MORC2: variants seen among roughly 807,000 people sequenced by gnomAD.
The protein encoded by MORC2 is MORC family CW-type zinc finger 2, also known as ATPase MORC2.
Under a neutral mutation model 136.0 loss-of-function variants are expected in MORC2, and 30 were observed. That is an observed-to-expected ratio of 0.22 (90% confidence interval 0.17 to 0.30). The LOEUF is 0.30. MORC2 is among the 10% of genes least tolerant of loss of function. MORC2 has a pLI of 1.00. For synonymous variants in MORC2, 439 were observed against 487.0 expected, an observed-to-expected ratio of 0.90 and a Z score of 1.30; for missense variants, 922 against 1,333.1, an observed-to-expected ratio of 0.69 and a Z score of 4.80.
At chr22:30,950,145 C>G (rs1340428272) in intron 4 of MORC2, among the ~76,000 whole-genome samples, 1 of 152,186 alleles carries the variant, frequency 6.6e-6, no homozygotes, top group Non-Finnish European at 1.5e-5. Context: ...GACAGGTAAT[C>G]TGATTGACTT....
intron 5 of MORC2, among the ~76,000 whole-genome samples, chr22:30,948,976 G>A (rs915689119): frequency 5.3e-5 from 8 of 152,252 alleles, no homozygotes; most frequent in South Asian, 2.1e-4. Context: ...CCCAACTGAT[G>A]CTGCTGACTG....
In MORC2 at chr22:30,937,571, C is replaced by A; in HGVS notation, c.1498+12G>T. The A allele has an allele frequency of 6.2e-7, 1 of 1,611,502 alleles. No individual in the cohort carries two copies. The highest frequency in any genetic ancestry group is 1.1e-5 in the South Asian group (1 of 90,854). ...TGGAAATGAGTCGGGGGGGTCCAAC[C>A]ACCCAACTCACCGCACTGGATGGTG... On this transcript the variant is annotated intron_variant, in intron 15 of 25. Transcript: ENST00000397641. This position sits in a 1 kb window ranked among gnomAD's most constrained non-coding sequence, Gnocchi z 4.7.
intron 4 of MORC2, 24 bp downstream of exon 4, chr22:30,950,353 C>CAAAAAAAAAAAAAAAA: frequency 6.7e-7 from 1 of 1,481,956 alleles, no homozygotes; most frequent in Non-Finnish European, 9.4e-7. Context: ...CCCCACCCCC[C>CAAAAAAAAAAAAAAAA]AAAACAATAA....
rs73404279 is a variant in MORC2 at position 30,936,808 on chromosome 22, T to C, written c.1604+124A>G. 2.7e-4 allele frequency: 346 copies of C among 1,295,396 alleles called. 2 individuals are homozygous for C. In the African/African-American group the frequency reaches 4.6e-3, roughly 17 times the overall value. The allele number at this position is 1,295,396 out of a possible 1,614,324, so 80.2% of individuals were successfully genotyped here. On this transcript the variant is annotated intron_variant, in intron 16 of 25. Coordinates refer to ENST00000397641, the MANE Select transcript of MORC2 (RefSeq NM_001303256.3). ...ACTGCAGGACATACATCTATTTTTA[T>C]TTCTTGGGCAGTTATTAGGTGTGGC... is the stretch of plus-strand genomic sequence containing the variant.
intron 17 of MORC2, 104 bp downstream of exon 17, chr22:30,936,407 A>G: frequency 4.0e-6 from 6 of 1,484,928 alleles, no homozygotes; most frequent in Non-Finnish European, 5.4e-6. Context: ...GGGTGAGTGG[A>G]GGGTAAAACT....
chr22:30,930,735 C>T (rs1041485813), intron 24 of MORC2, among the ~76,000 whole-genome samples: 1 of 152,162 alleles, frequency 6.6e-6, no homozygotes, highest in Non-Finnish European at 1.5e-5. Flanking sequence ...TTCTCTAGAA[C>T]CTCTTTCCTA....
chr22:30,955,323 T>G (rs1444100638), intron 3 of MORC2, among the ~76,000 whole-genome samples: 1 of 152,178 alleles, frequency 6.6e-6, no homozygotes, highest in Non-Finnish European at 1.5e-5. Context: ...TTCCTGTTAC[T>G]TTCTTCTAGA....
Position 30,950,378 on chromosome 22 carries a change from T to C in MORC2, c.225A>G (p.Pro75=). Residue 75 remains proline (P), a splice_region_variant and synonymous_variant, in exon 4 of 26, where the codon CCA becomes CCG. Transcript: ENST00000397641. Reference sequence around the variant, plus strand: ...CAAAACAATAATCTCATCACTTACTTGGATCCATTCCTGCTCCATCATCCA... The same window carrying C: ...CAAAACAATAATCTCATCACTTACTCGGATCCATTCCTGCTCCATCATCCA... ...CFLDDGAGMD[P]SDAASVIQFG... The C allele has an allele frequency of 8.2e-7, 1 of 1,217,994 alleles. No individual in the cohort carries two copies. The allele number at this position is 1,217,994 out of a possible 1,614,324, so 75.4% of individuals were successfully genotyped here.
At chr22:30,961,700 T>C (rs532993280) in intron 1 of MORC2, among the ~76,000 whole-genome samples, 2 of 152,322 alleles carry the variant, frequency 1.3e-5, no homozygotes, top group East Asian at 3.9e-4. Flanking sequence ...AAGTTTCCAG[T>C]CTTTGGTAGT....
At chr22:30,946,204 A>C (rs1261302068) in intron 6 of MORC2, 137 bp downstream of exon 6, 4 of 585,430 alleles carry the variant, frequency 6.8e-6, no homozygotes, top group Non-Finnish European at 1.2e-5. Context: ...CAGCCAGCTA[A>C]CTGCATAACA....
At chr22:30,935,408 A>C (rs1280637472) in intron 17 of MORC2, 86 bp from the exon 18 acceptor site, 2 of 1,269,320 alleles carry the variant, frequency 1.6e-6, no homozygotes, top group East Asian at 5.0e-5. Context: ...AACCAGGGAC[A>C]AAAAAAATAG....
At chr22:30,958,496 AT>A (rs1042997853) in intron 2 of MORC2, 144 bp downstream of exon 2, 28 of 504,392 alleles carry the variant, frequency 5.6e-5, no homozygotes, top group African/African-American at 5.4e-4. Flanking sequence ...TAAAAATATT[AT>A]TTTTAGTAAG....
intron 9 of MORC2, 103 bp from the exon 10 acceptor site, chr22:30,940,940 G>A: frequency 1.0e-6 from 1 of 956,266 alleles, no homozygotes; most frequent in South Asian, 1.3e-5. Context: ...CCCAAGCTGT[G>A]CTGTCCTGGC....
At chr22:30,953,324 G>A (rs921978331) in intron 3 of MORC2, among the ~76,000 whole-genome samples, 1 of 152,202 alleles carries the variant, frequency 6.6e-6, no homozygotes, top group Admixed American at 6.5e-5. Flanking sequence ...CGAACTGCCT[G>A]CTTTGCAGCT....
intron 21 of MORC2, among the ~76,000 whole-genome samples, 174 bp from the exon 22 acceptor site, chr22:30,933,204 C>T (rs2040601946): frequency 6.6e-6 from 1 of 152,124 alleles, no homozygotes; most frequent in Admixed American, 6.5e-5. Flanking sequence ...GTCTCCTTCC[C>T]CATCTGCTAT....
At chr22:30,943,878 T>C (rs1344163222) in intron 6 of MORC2, among the ~76,000 whole-genome samples, 1 of 152,166 alleles carries the variant, frequency 6.6e-6, no homozygotes, top group Admixed American at 6.5e-5. Context: ...CAAGTGATTC[T>C]CCTGCCTCAG....
At position 30,934,087 on chromosome 22, in the gene MORC2, CACA is replaced by C. The variant is rs1302469529; in HGVS notation, c.2295_2297del (p.Val766del). 6.2e-7 allele frequency: 1 copy of C among 1,614,174 alleles called. No homozygotes were observed. Among genetic ancestry groups the C allele is most frequent in the East Asian group, 2.2e-5 (1 of 44,880 alleles). ...CATTCGAGTCCTTCTTTTCCTCCTT[CACA>C]ACAAATCTGCCCCGCTTGCACCTCT... On this transcript the variant is annotated inframe_deletion, in exon 20 of 26. Transcript: ENST00000397641. The surrounding 1 kb of genome is among the most constrained non-coding windows in gnomAD (Gnocchi z 4.4).
intron 6 of MORC2, among the ~76,000 whole-genome samples, chr22:30,945,661 G>A (rs886574615): frequency 2.0e-5 from 3 of 152,138 alleles, no homozygotes; most frequent in Admixed American, 1.3e-4. Flanking sequence ...AAGGAGAATC[G>A]GCCAAATGTG....
chr22:30,926,966 G>C (rs1417743079), intron 25 of MORC2, 95 bp from the exon 26 acceptor site: 3 of 1,060,904 alleles, frequency 2.8e-6, no homozygotes, highest in Non-Finnish European at 4.3e-6. Context: ...ATGGAGCCCA[G>C]AGTCCTCTCC....
Sources: allele counts gnomAD v4.1 joint callset (sites outside exome capture counted in the v4.1 genomes callset), GRCh38; gene constraint gnomAD v4.1.1; non-coding constraint Gnocchi (gnomAD v3.1); transcripts MANE v1.5; gene names NCBI Gene and HGNC (gene_info 2026-07-23, HGNC 2026-07-21).